The following MXRA5 variants were observed in gnomAD, a reference collection of about 807,000 sequenced individuals.
MXRA5 encodes the protein matrix remodeling associated 5, also known as matrix-remodeling-associated protein 5.
Under a neutral mutation model 112.5 loss-of-function variants are expected in MXRA5, and 41 were observed. The observed-to-expected ratio is 0.36, with a 90% CI of 0.28 to 0.47. The LOEUF is 0.47. Among genes scored for constraint, MXRA5 ranks in the 20% least tolerant of loss-of-function variants. The pLI is 0.99. For missense variants in MXRA5, 2,150 were observed against 2,251.0 expected, an observed-to-expected ratio of 0.96 and a Z score of 0.91; for synonymous variants, 862 against 900.8, an observed-to-expected ratio of 0.96 and a Z score of 0.77.
chrX:3,310,990 T>C lies in MXRA5; in HGVS notation c.7213A>G (p.Ile2405Val), dbSNP rs1920983345. 1 of 1,211,561 alleles carries C rather than the reference T, an allele frequency of 8.3e-7. No individual in the cohort carries two copies. Residue 2405 changes from isoleucine to valine, a missense_variant, in exon 7 of 7, where the codon ATT becomes GTT. By Grantham distance (29) the Ile-to-Val change is conservative. Around this residue, in one of 6 missense-constraint regions of MXRA5, gnomAD observed 1,485 missense variants for 1,471.6 expected, o/e 1.01. Transcript: ENST00000217939. Reference sequence around the variant, plus strand: ...CTGTCAGAACGCTGGGCTTTCTGAATAAGGAGAGTGCCATCTTGGTATATC... The same window carrying C: ...CTGTCAGAACGCTGGGCTTTCTGAACAAGGAGAGTGCCATCTTGGTATATC... ...YQIYQDGTLL[I>V]QKAQRSDSGN...
Position 3,323,605 on chromosome X carries a change from C to T in MXRA5, c.2080G>A (p.Asp694Asn). 1 of 1,211,150 alleles carries T rather than the reference C, an allele frequency of 8.3e-7. No homozygotes were observed. Among genetic ancestry groups the T allele is most frequent in the Non-Finnish European group, 1.1e-6 (1 of 895,153 alleles). ...GAKALSRVRE[D>N]IVEDEGGSGM... ...GAGCCCCCTTCATCCTCCACGATGT[C>T]TTCTCTGACTCTGGAAAGAGCCTTT... Residue 694 changes from aspartate (D) to asparagine (N), a missense_variant, in exon 5 of 7, where the codon GAC becomes AAC. This residue lies in a region of MXRA5 where 1,485 missense variants were observed against 1,471.6 expected (regional missense o/e 1.01). Coordinates refer to ENST00000217939, the MANE Select transcript of MXRA5 (RefSeq NM_015419.4).
chrX:3,335,790 T>C (rs1921772283), intron 2 of MXRA5, among the ~76,000 whole-genome samples: 1 of 112,432 alleles, frequency 8.9e-6, no homozygotes, highest in African/African-American at 3.2e-5. Context: ...TTCTGCAAAA[T>C]CACTATGCAG....
chrX:3,322,868 C>A lies in MXRA5; in HGVS notation c.2817G>T (p.Thr939=). The A allele has an allele frequency of 8.3e-7, 1 of 1,211,297 alleles. No individual in the cohort carries two copies. The highest frequency in any genetic ancestry group is 1.7e-5 in the African/African-American group (1 of 57,642). Residue 939 remains threonine (T), a synonymous_variant, in exon 5 of 7, where the codon ACG becomes ACT. Coordinates refer to ENST00000217939, the MANE Select transcript of MXRA5 (RefSeq NM_015419.4). The part of the protein sequence containing the change: ...TVYEKPTHEE[T]ATEGWSAADV... ...CTGCTGCAGACCAACCCTCTGTTGC[C>A]GTCTCTTCATGGGTGGGCTTTTCAT...
rs766784414 is a variant in MXRA5 at position 3,317,091 on chromosome X, A to C, written c.6578+12T>G. ...CCCAGCGATTTACAGGAAGCCACGC[A>C]GAGCTGCCTACCTGAAGAGCGCGTC... On this transcript the variant is annotated intron_variant, in intron 6 of 6. Transcript: ENST00000217939. 1 of 1,133,097 alleles carries C rather than the reference A, an allele frequency of 8.8e-7. No homozygotes were observed. The allele number at this position is 1,133,097 out of a possible 1,213,427, so 93.4% of individuals were successfully genotyped here.
At position 3,330,249 on chromosome X, in the gene MXRA5, C is replaced by T. The variant is rs772416079; in HGVS notation, c.478G>A (p.Gly160Arg). Reference sequence around the variant, plus strand: ...GGGTGCAGCTGGTGGAGGAGATTTCCTTCCAAATGGAGTAGCCTCAGAGAC... The same window carrying T: ...GGGTGCAGCTGGTGGAGGAGATTTCTTTCCAAATGGAGTAGCCTCAGAGAC... ...LTSLRLLHLE[G>R]NLLHQLHPST... The change falls in exon 4 of 7, where the codon GGA becomes AGA. Residue 160 changes from glycine (G) to arginine (R), a missense_variant. Coordinates refer to ENST00000217939, the MANE Select transcript of MXRA5 (RefSeq NM_015419.4). 5 of 1,211,154 alleles carry T rather than the reference C, an allele frequency of 4.1e-6. No homozygotes were observed. The highest frequency in any genetic ancestry group is 1.7e-5 in the African/African-American group (1 of 57,656).
chrX:3,312,288 G>A (rs1290487632), intron 6 of MXRA5, among the ~76,000 whole-genome samples: 1 of 111,835 alleles, frequency 8.9e-6, no homozygotes, highest in Non-Finnish European at 1.9e-5. Flanking sequence ...AGGCTGGTGT[G>A]TCATTCTTCC....
chrX:3,331,625 T>A (rs1038223754), intron 2 of MXRA5, among the ~76,000 whole-genome samples: 9 of 112,504 alleles, frequency 8.0e-5, no homozygotes, highest in African/African-American at 2.6e-4. Context: ...GGCTGCCATG[T>A]CTGACGGATG....
chrX:3,342,049 C>T (rs1921999836), intron 2 of MXRA5, among the ~76,000 whole-genome samples: 2 of 96,004 alleles, frequency 2.1e-5, no homozygotes, highest in Admixed American at 2.3e-4. Context: ...CCATGGAATA[C>T]TATGCAGCCA....
Position 3,317,541 on chromosome X carries a change from G to A in MXRA5, c.6140C>T (p.Pro2047Leu), listed in dbSNP as rs769312871. The change falls in exon 6 of 7, where the codon CCC becomes CTC. Residue 2047 changes from proline (P) to leucine (L), a missense_variant. By Grantham distance (98) the Pro-to-Leu change is moderately conservative. Transcript: ENST00000217939. ...CTCCAGCTTCTCCTGGTGGATAACG[G>A]GGGGCAGTGCCGCCACGTGCAGGCG... The part of the protein sequence containing the change: ...AIRLHVAALP[P>L]VIHQEKLENI... 2.1e-5 allele frequency: 25 copies of A among 1,207,178 alleles called. No homozygotes were observed. The highest frequency in any genetic ancestry group is 2.8e-5 in the Non-Finnish European group (25 of 894,064).
At chrX:3,345,430 C>T (rs1363705881) in intron 1 of MXRA5, among the ~76,000 whole-genome samples, 1 of 113,072 alleles carries the variant, frequency 8.8e-6, no homozygotes, top group Non-Finnish European at 1.9e-5. Flanking sequence ...CGCCTGACCT[C>T]GGCGCTGGGC....
At chrX:3,342,964 C>A (rs1188098888) in intron 2 of MXRA5, among the ~76,000 whole-genome samples, 2 of 112,203 alleles carry the variant, frequency 1.8e-5, no homozygotes, top group African/African-American at 6.5e-5. Flanking sequence ...GGGATGGATG[C>A]TAAAAAGTAG....
chrX:3,338,591 T>G (rs770834180), intron 2 of MXRA5, among the ~76,000 whole-genome samples: 1 of 110,733 alleles, frequency 9.0e-6, no homozygotes, highest in Admixed American at 9.6e-5. Context: ...AGATAGATTA[T>G]TGATAAATAG....
chrX:3,316,093 T>TCC (rs1419793580), intron 6 of MXRA5, among the ~76,000 whole-genome samples: 1 of 43,889 alleles, frequency 2.3e-5, no homozygotes, highest in African/African-American at 1.4e-4. Flanking sequence ...GCGCGGCGGA[T>TCC]CAGGAGGTCA....
Position 3,324,793 on chromosome X carries a change from G to A in MXRA5, c.892C>T (p.Gln298Ter). The A allele has an allele frequency of 8.3e-7, 1 of 1,210,815 alleles. No individual in the cohort carries two copies. Among genetic ancestry groups the A allele is most frequent in the African/African-American group, 1.7e-5 (1 of 57,682 alleles). Residue 298 changes from glutamine (Q) to a stop codon, truncating the protein, a stop_gained, in exon 5 of 7, where the codon CAG becomes TAG. Transcript: ENST00000217939. LOFTEE classifies it high-confidence loss of function. The part of the protein sequence containing the change: ...RSRSIEEEQE[Q>*]EEDGGSQLIL... Reference sequence around the variant, plus strand: ...AGCTGGCTGCCACCATCCTCTTCCTGTTCTTGCTCCTCCTCAATACTCCTG... The same window carrying A: ...AGCTGGCTGCCACCATCCTCTTCCTATTCTTGCTCCTCCTCAATACTCCTG...
In MXRA5 at chrX:3,309,628, A is replaced by G; in HGVS notation, c.*88T>C. On this transcript the variant is annotated 3_prime_UTR_variant, in exon 7 of 7. Coordinates refer to ENST00000217939, the MANE Select transcript of MXRA5 (RefSeq NM_015419.4). ...AGGCCACCATGCACTGTGACACATT[A>G]TTTAAGAGCTCCTATTCCCCAACCT... 1 of 798,778 alleles carries G rather than the reference A, an allele frequency of 1.3e-6. No homozygotes were observed. Among genetic ancestry groups the G allele is most frequent in the East Asian group, 3.4e-5 (1 of 29,338 alleles). 65.8% of individuals were successfully genotyped at this position (798,778 alleles called of 1,213,427 possible). A position where few individuals can be genotyped will look rare whatever the true frequency, so the allele number is the denominator to read the frequency against.
At chrX:3,335,439 T>C (rs1451728290) in intron 2 of MXRA5, among the ~76,000 whole-genome samples, 1 of 112,380 alleles carries the variant, frequency 8.9e-6, no homozygotes, top group Non-Finnish European at 1.9e-5. Context: ...TCAGGTGATC[T>C]GCCCGCCTCG....
rs781078777 is a variant in MXRA5 at position 3,330,010 on chromosome X, C to A, written c.709+8G>T. ...AGCTAGGAGTGGTCTGCTCTCCTCT[C>A]TTCTTACCTCTGGATTTTGCATCCC... On this transcript the variant is annotated splice_region_variant and intron_variant, in intron 4 of 6. Coordinates refer to ENST00000217939, the MANE Select transcript of MXRA5 (RefSeq NM_015419.4). The A allele has an allele frequency of 4.1e-5, 49 of 1,205,098 alleles. No individual in the cohort carries two copies. Among genetic ancestry groups the A allele is most frequent in the Non-Finnish European group, 5.4e-5 (48 of 893,407 alleles).
At position 3,321,726 on chromosome X, in the gene MXRA5, G is replaced by A; in HGVS notation, c.3959C>T (p.Thr1320Ile). Residue 1320 changes from threonine to isoleucine, a missense_variant, in exon 5 of 7, where the codon ACA becomes ATA. Around this residue, in one of 6 missense-constraint regions of MXRA5, gnomAD observed 1,485 missense variants for 1,471.6 expected, o/e 1.01. Coordinates refer to ENST00000217939, the MANE Select transcript of MXRA5 (RefSeq NM_015419.4). ...ATCCTTAATTTCTTTTCCATCTGAT[G>A]TGGGTTTATATGTGACTGGAAGTGT... Reference protein sequence around the residue: ...QETLPVTYKPTSDGKEIKDDV... With the variant: ...QETLPVTYKPISDGKEIKDDV... 1 of 1,210,888 alleles carries A rather than the reference G, an allele frequency of 8.3e-7. No homozygotes were observed. The highest frequency in any genetic ancestry group is 3.0e-5 in the East Asian group (1 of 33,846).
chrX:3,313,269 T>C (rs993045158), intron 6 of MXRA5, among the ~76,000 whole-genome samples: 4 of 112,499 alleles, frequency 3.6e-5, no homozygotes, highest in African/African-American at 1.3e-4. Flanking sequence ...GTTTTTGTTT[T>C]TGTTTTTTGA....
Sources: gnomAD v4.1 joint callset for allele counts (sites outside exome capture counted in the v4.1 genomes callset) on GRCh38, gnomAD v4.1.1 for gene constraint, gnomAD v4.1.1 regional missense constraint, MANE v1.5 for transcripts, NCBI Gene and HGNC (gene_info 2026-07-23, HGNC 2026-07-21) for gene names.